The following UBR4 variants were observed in gnomAD, a reference collection of about 807,000 sequenced individuals.
The protein encoded by UBR4 is E3 ubiquitin-protein ligase UBR4.
A neutral mutation model predicts 575.6 loss-of-function variants in UBR4; 124 were observed. The observed-to-expected ratio is 0.22, with a 90% CI of 0.19 to 0.25. The LOEUF is 0.25. Ranked by LOEUF, UBR4 falls within the 10% of genes least tolerant of loss-of-function variation. The probability of loss-of-function intolerance (pLI) is 1.00; values close to 1 mark genes in which losing one functional copy is unlikely to be tolerated. For synonymous variants in UBR4, 2,455 were observed against 2,473.7 expected (o/e 0.99, Z 0.22); for missense variants, 4,818 against 6,478.8 (o/e 0.74, Z 8.80).
In UBR4 at chr1:19,186,565, A is replaced by G; in HGVS notation, c.1725T>C (p.Ser575=). The stretch of plus-strand genomic sequence containing the variant: ...CTTGGCTGCTGTCCTCCTCCGTGCT[A>G]CTGAAATCGTCCTCATAGTAAGTAT... ...DSNTYYEDDF[S]STEEDSSQDD... Residue 575 remains serine, a synonymous_variant, in exon 14 of 106, where the codon AGT becomes AGC. Transcript: ENST00000375254. The G allele has an allele frequency of 1.9e-6, 3 of 1,614,084 alleles. No homozygotes were observed. Among genetic ancestry groups the G allele is most frequent in the Non-Finnish European group, 2.5e-6 (3 of 1,179,968 alleles).
chr1:19,148,568 CGAT>C lies in UBR4; in HGVS notation c.7486_7488del (p.Ile2496del), dbSNP rs779530882. 6.2e-7 allele frequency: 1 copy of C among 1,614,160 alleles called. No homozygotes were observed. The highest frequency in any genetic ancestry group is 8.5e-7 in the Non-Finnish European group (1 of 1,180,014). ...GCTTTGAAAAAGTGACTTGCCTTCT[CGAT>C]GATTGGGCCAACGGCAAAGCAGCTT... On this transcript the variant is annotated inframe_deletion, in exon 50 of 106. Coordinates refer to ENST00000375254, the MANE Select transcript of UBR4 (RefSeq NM_020765.3).
At chr1:19,156,186 T>C in intron 42 of UBR4, 85 bp downstream of exon 42, 4 of 1,538,128 alleles carry the variant, frequency 2.6e-6, no homozygotes, top group Non-Finnish European at 3.5e-6. Context: ...TTTTTTTAAC[T>C]CCTGGGAGAA....
In UBR4 at chr1:19,110,657, G is replaced by A. The variant is rs186204026; in HGVS notation, c.11892+85C>T. The A allele has an allele frequency of 1.0e-4, 149 of 1,488,210 alleles. No homozygotes were observed. In the African/African-American group the frequency reaches 1.4e-3, roughly 14 times the overall value. 92.2% of individuals were successfully genotyped at this position (1,488,210 alleles called of 1,614,324 possible). On this transcript the variant is annotated intron_variant, in intron 79 of 105. Transcript: ENST00000375254. The surrounding 1 kb of genome is among the most constrained non-coding windows in gnomAD (Gnocchi z 4.5). ...TCTGCTCCTTCCCTCCTCAGTCACCGCAGGACCTGGGAGGGGAAGCTGAGA... is the reference window on the plus strand; with the variant it reads ...TCTGCTCCTTCCCTCCTCAGTCACCACAGGACCTGGGAGGGGAAGCTGAGA...
At chr1:19,207,034 G>C (rs2093045170) in intron 1 of UBR4, among the ~76,000 whole-genome samples, 1 of 152,216 alleles carries the variant, frequency 6.6e-6, no homozygotes, top group Non-Finnish European at 1.5e-5. Flanking sequence ...TGGCATGATG[G>C]AGCCAGGATA....
chr1:19,180,211 T>TA (rs2090756739), intron 17 of UBR4, among the ~76,000 whole-genome samples: 1 of 152,044 alleles, frequency 6.6e-6, no homozygotes, highest in Non-Finnish European at 1.5e-5. Context: ...TTTTTTGAGA[T>TA]AGAGTCTCAC....
chr1:19,161,077 G>A lies in UBR4; in HGVS notation c.5246C>T (p.Pro1749Leu), dbSNP rs779787893. 6.2e-7 allele frequency: 1 copy of A among 1,614,108 alleles called. No individual in the cohort carries two copies. The highest frequency in any genetic ancestry group is 8.5e-7 in the Non-Finnish European group (1 of 1,180,028). The change falls in exon 38 of 106, where the codon CCC (proline) becomes CTC (leucine). Residue 1749 changes from proline (P) to leucine (L), a missense_variant. Coordinates refer to ENST00000375254, the MANE Select transcript of UBR4 (RefSeq NM_020765.3). ...ACGCACTAGACTCTCTGAAATCCTGGGTTCACTCTGAAATGCCGACTCCTT... is the reference window on the plus strand; with the variant it reads ...ACGCACTAGACTCTCTGAAATCCTGAGTTCACTCTGAAATGCCGACTCCTT... ...TMKESAFQSE[P>L]RISESLVRHA... is the part of the protein sequence containing the mutation.
intron 102 of UBR4, chr1:19,082,229 C>A (rs2076590917): frequency 5.6e-6 from 1 of 178,358 alleles, no homozygotes; most frequent in East Asian, 1.5e-4. Flanking sequence ...GATGACCACA[C>A]CAGACTCAGT....
intron 18 of UBR4, 102 bp from the exon 19 acceptor site, chr1:19,177,845 G>GCT: frequency 7.7e-7 from 1 of 1,293,896 alleles, no homozygotes; most frequent in Non-Finnish European, 1.1e-6. Flanking sequence ...AACCCAGGCA[G>GCT]TAAGATAACA....
At position 19,117,184 on chromosome 1, in the gene UBR4, A is replaced by G. The variant is rs2080643077; in HGVS notation, c.10823+37T>C. On this transcript the variant is annotated intron_variant, in intron 73 of 105. Transcript: ENST00000375254. The surrounding 1 kb of genome is among the most constrained non-coding windows in gnomAD (Gnocchi z 4.0). ...GGCAGCAACTGAGCTTCAGCCTTAC[A>G]ACCTGCTGCCCCTCCCGAGGCCTAA... is the stretch of plus-strand genomic sequence containing the variant. 3 of 1,601,724 alleles carry G rather than the reference A, an allele frequency of 1.9e-6. No homozygotes were observed. The highest frequency in any genetic ancestry group is 2.6e-6 in the Non-Finnish European group (3 of 1,172,362).
Position 19,089,918 on chromosome 1 carries a change from C to G in UBR4, c.14212-941G>C, listed in dbSNP as rs1481932307. 6.6e-6 allele frequency among the ~76,000 whole-genome samples: 1 copy of G among 152,266 alleles called. No homozygotes were observed. The highest frequency in any genetic ancestry group is 1.5e-5 in the Non-Finnish European group (1 of 68,046). On this transcript the variant is annotated intron_variant, in intron 97 of 105. Transcript: ENST00000375254. The surrounding 1 kb of genome is among the most constrained non-coding windows in gnomAD (Gnocchi z 4.3). ...TGAGCTTTTCCACAGGTACCCCAAACTCAACATTCTGGCTGTTTACTGTGT... is the reference window on the plus strand; with the variant it reads ...TGAGCTTTTCCACAGGTACCCCAAAGTCAACATTCTGGCTGTTTACTGTGT...
chr1:19,172,823 G>A lies in UBR4; in HGVS notation c.3521+41C>T, dbSNP rs755739686. The A allele has an allele frequency of 2.2e-5, 34 of 1,568,022 alleles. No homozygotes were observed. The South Asian group carries it at 2.9e-4, about 13-fold the overall frequency. Reference sequence around the variant, plus strand: ...AGTCAATGCGGGATCTGCACGGAGTGAAGAGTGCATGTGCATCTCTGGGCA... The same window carrying A: ...AGTCAATGCGGGATCTGCACGGAGTAAAGAGTGCATGTGCATCTCTGGGCA... On this transcript the variant is annotated intron_variant, in intron 25 of 105. Coordinates refer to ENST00000375254, the MANE Select transcript of UBR4 (RefSeq NM_020765.3).
intron 34 of UBR4, among the ~76,000 whole-genome samples, 176 bp downstream of exon 34, chr1:19,163,588 A>T (rs992452209): frequency 1.9e-4 from 29 of 152,214 alleles, no homozygotes; most frequent in African/African-American, 6.8e-4. Context: ...CAGCCAAAAC[A>T]TGCCTAAAGG....
In UBR4 at chr1:19,176,715, G is replaced by T. The variant is rs748216919; in HGVS notation, c.2650C>A (p.Leu884Met). 11 of 1,613,848 alleles carry T rather than the reference G, an allele frequency of 6.8e-6. No homozygotes were observed. The highest frequency in any genetic ancestry group is 8.5e-6 in the Non-Finnish European group (10 of 1,179,964). The change falls in exon 20 of 106, where the codon CTG (leucine) becomes ATG (methionine). Residue 884 changes from leucine (L) to methionine (M), a missense_variant. By Grantham distance (15) the Leu-to-Met change is conservative. This residue lies in a region of UBR4 where 1,172 missense variants were observed against 1,259.7 expected (regional missense o/e 0.93). Coordinates refer to ENST00000375254, the MANE Select transcript of UBR4 (RefSeq NM_020765.3). ...GCCCACCCAAAGGGAGGACTTAGCA[G>T]GTTATGCTGTACCTTTTAAAACACA... The part of the protein sequence containing the change: ...VYLFEQVQHN[L>M]LSPPFGWASG...
chr1:19,193,029 C>T lies in UBR4; in HGVS notation c.1143+404G>A, dbSNP rs183986478. On this transcript the variant is annotated intron_variant, in intron 9 of 105. Coordinates refer to ENST00000375254, the MANE Select transcript of UBR4 (RefSeq NM_020765.3). ...AACTCCTAACCTCAGGTGATCCACC[C>T]ACCTCCCAAAGTACTGGGATCACAG... Among the ~76,000 whole-genome samples the T allele has an allele frequency of 1.1e-4, 17 of 152,240 alleles. 1 individual carries two copies. The highest frequency in any genetic ancestry group is 1.8e-4 in the Non-Finnish European group (12 of 68,006).
At position 19,174,321 on chromosome 1, in the gene UBR4, A is replaced by C; in HGVS notation, c.2980T>G (p.Leu994Val). The C allele has an allele frequency of 6.2e-7, 1 of 1,612,530 alleles. No homozygotes were observed. The highest frequency in any genetic ancestry group is 8.5e-7 in the Non-Finnish European group (1 of 1,179,736). Reference protein sequence around the residue: ...RRKENKNVTALEACALQYYFL... With the variant: ...RRKENKNVTAVEACALQYYFL... ...TTCTCAGGGTTCCATGGTCTTACCAAGGCTGTTACATTCTTGTTTTCCTTT... is the reference window on the plus strand; with the variant it reads ...TTCTCAGGGTTCCATGGTCTTACCACGGCTGTTACATTCTTGTTTTCCTTT... The change falls in exon 22 of 106, where the codon TTG becomes GTG. Residue 994 changes from leucine to valine, a missense_variant and splice_region_variant. By Grantham distance (32) the Leu-to-Val change is conservative. Transcript: ENST00000375254.
At chr1:19,185,573 CTTT>C (rs3068081) in intron 14 of UBR4, among the ~76,000 whole-genome samples, 6 of 128,598 alleles carry the variant, frequency 4.7e-5, no homozygotes, top group East Asian at 2.4e-4. Context: ...TTTCTTTTTT[CTTT>C]TTTTTTTTTT....
intron 97 of UBR4, among the ~76,000 whole-genome samples, chr1:19,090,788 T>C (rs1237186137): frequency 6.6e-6 from 1 of 152,054 alleles, no homozygotes; most frequent in Non-Finnish European, 1.5e-5. Flanking sequence ...GTAATTCAAT[T>C]TGGTAACTAA....
At position 19,155,673 on chromosome 1, in the gene UBR4, A is replaced by G. The variant is rs2086337146; in HGVS notation, c.6073-5T>C. The G allele has an allele frequency of 6.2e-7, 1 of 1,609,898 alleles. No homozygotes were observed. Among genetic ancestry groups the G allele is most frequent in the East Asian group, 2.2e-5 (1 of 44,782 alleles). On this transcript the variant is annotated splice_region_variant and splice_polypyrimidine_tract_variant and intron_variant, in intron 42 of 105. Transcript: ENST00000375254. Reference sequence around the variant, plus strand: ...ATCAACACACAGGTCATAAATCTGCAGGATGGAAGAAAAATTAAATAAGGG... The same window carrying G: ...ATCAACACACAGGTCATAAATCTGCGGGATGGAAGAAAAATTAAATAAGGG...
At chr1:19,174,893 G>A in intron 21 of UBR4, 61 bp downstream of exon 21, 1 of 1,482,294 alleles carries the variant, frequency 6.7e-7, no homozygotes, top group Non-Finnish European at 9.4e-7. Context: ...CCCCCAGTAG[G>A]CTGATTCTGG....
Sources: allele counts gnomAD v4.1 joint callset (sites outside exome capture counted in the v4.1 genomes callset), GRCh38; gene constraint gnomAD v4.1.1; regional missense constraint gnomAD v4.1.1; non-coding constraint Gnocchi (gnomAD v3.1); transcripts MANE v1.5; gene names NCBI Gene and HGNC (gene_info 2026-07-23, HGNC 2026-07-21).